PTGES2: variants seen among roughly 807,000 people sequenced by gnomAD.
PTGES2 encodes prostaglandin E synthase 2.
PTGES2 carries 35 observed loss-of-function variants against 44.5 expected under a neutral mutation model. The ratio of observed to expected loss-of-function variants is 0.79; its 90% CI spans 0.60 to 1.04. The LOEUF is 1.04. PTGES2 is among the 50% of genes least tolerant of loss of function. PTGES2 has a pLI of 0.00. For synonymous variants in PTGES2, 221 were observed against 227.5 expected, an observed-to-expected ratio of 0.97 and a Z score of 0.26; for missense variants, 517 against 521.4, an observed-to-expected ratio of 0.99 and a Z score of 0.08.
intron 6 of PTGES2, among the ~76,000 whole-genome samples, chr9:128,121,876 G>A (rs985609681): frequency 6.6e-6 from 1 of 151,898 alleles, no homozygotes; most frequent in Non-Finnish European, 1.5e-5. Flanking sequence ...CTGCACCGCT[G>A]CACTCCCGCC....
intron 1 of PTGES2, among the ~76,000 whole-genome samples, chr9:128,127,191 C>CAAAAAAAAAAAAAAAAACAAAAA (rs1834653512): frequency 4.1e-5 from 1 of 24,494 alleles, no homozygotes; most frequent in East Asian, 1.7e-3. Context: ...ATAAACAAAC[C>CAAAAAAAAAAAAAAAAACAAAAA]AAAAAAAAAA....
intron 5 of PTGES2, 107 bp downstream of exon 5, chr9:128,122,827 T>TAG: frequency 8.2e-7 from 1 of 1,225,604 alleles, no homozygotes; most frequent in Non-Finnish European, 1.2e-6. Context: ...CCACCTGCCC[T>TAG]AGGCCTCGGC....
chr9:128,123,182 G>A lies in PTGES2; in HGVS notation c.687-48C>T, dbSNP rs564510286. ...CTAAGCCAGGACCCGGGCTGTGTTGGGAGCAGGCTGCATTCTCTAGAACAT... is the reference window on the plus strand; with the variant it reads ...CTAAGCCAGGACCCGGGCTGTGTTGAGAGCAGGCTGCATTCTCTAGAACAT... On this transcript the variant is annotated intron_variant, in intron 4 of 6. Coordinates refer to ENST00000338961, the MANE Select transcript of PTGES2 (RefSeq NM_025072.7). This position sits in a 1 kb window ranked among gnomAD's most constrained non-coding sequence, Gnocchi z 4.4. The A allele has an allele frequency of 1.9e-6, 3 of 1,573,744 alleles. No homozygotes were observed. In the South Asian group the frequency reaches 3.3e-5, roughly 18 times the overall value.
chr9:128,127,976 G>A (rs1834706696), upstream of PTGES2: 1 of 437,142 alleles, frequency 2.3e-6, no homozygotes, highest in South Asian at 3.7e-5. Context: ...GTAGTGACCC[G>A]GCCGACTGCA....
chr9:128,123,601 C>A lies in PTGES2; in HGVS notation c.686+101G>T. On this transcript the variant is annotated intron_variant, in intron 4 of 6. Coordinates refer to ENST00000338961, the MANE Select transcript of PTGES2 (RefSeq NM_025072.7). The surrounding 1 kb of genome is among the most constrained non-coding windows in gnomAD (Gnocchi z 4.4). The stretch of plus-strand genomic sequence containing the variant: ...GCCCGGCCCCAGCCCCGCTGGTCTC[C>A]CATGCTGCTCCCTGCTCACGCCATC... 1 of 1,290,728 alleles carries A rather than the reference C, an allele frequency of 7.7e-7. No homozygotes were observed. Among genetic ancestry groups the A allele is most frequent in the Non-Finnish European group, 1.1e-6 (1 of 930,486 alleles). 80.0% of individuals were successfully genotyped at this position (1,290,728 alleles called of 1,614,324 possible).
chr9:128,125,633 C>T (rs1028091091), intron 1 of PTGES2, among the ~76,000 whole-genome samples, 192 bp from the exon 2 acceptor site: 24 of 152,248 alleles, frequency 1.6e-4, no homozygotes, highest in African/African-American at 5.8e-4. Context: ...CTGGCCAGCA[C>T]GGTCCCCAAG....
intron 5 of PTGES2, 69 bp from the exon 6 acceptor site, chr9:128,122,548 T>C: frequency 7.3e-7 from 1 of 1,372,812 alleles, no homozygotes; most frequent in Non-Finnish European, 1.0e-6. Flanking sequence ...GAGGGTCTCC[T>C]CTGGGGAGAG....
chr9:128,123,142 C>T lies in PTGES2; in HGVS notation c.687-8G>A, dbSNP rs1241333566. On this transcript the variant is annotated splice_polypyrimidine_tract_variant and splice_region_variant and intron_variant, in intron 4 of 6. Coordinates refer to ENST00000338961, the MANE Select transcript of PTGES2 (RefSeq NM_025072.7). This position sits in a 1 kb window ranked among gnomAD's most constrained non-coding sequence, Gnocchi z 4.4. The stretch of plus-strand genomic sequence containing the variant: ...CGCCACTTCATCTCCTCCCTGCGGG[C>T]ACGGGAGGGACTTCCTAAGCCAGGA... 1 of 1,606,900 alleles carries T rather than the reference C, an allele frequency of 6.2e-7. No homozygotes were observed. Among genetic ancestry groups the T allele is most frequent in the Non-Finnish European group, 8.5e-7 (1 of 1,179,668 alleles).
At chr9:128,125,550 G>A (rs1447229599) in intron 1 of PTGES2, 109 bp from the exon 2 acceptor site, 14 of 1,016,302 alleles carry the variant, frequency 1.4e-5, no homozygotes, top group Non-Finnish European at 1.5e-5. Context: ...TAGAACATCG[G>A]GAAGAGGAAC....
upstream of PTGES2, chr9:128,127,735 C>CGCGG (rs1274317273): frequency 8.0e-7 from 1 of 1,252,288 alleles, no homozygotes; most frequent in Middle Eastern, 3.1e-4. Flanking sequence ...CCGCCGGCGC[C>CGCGG]GCGGGCGGGC....
At position 128,123,974 on chromosome 9, in the gene PTGES2, G is replaced by C. The variant is rs1025257588; in HGVS notation, c.537-123C>G. 1 of 1,121,658 alleles carries C rather than the reference G, an allele frequency of 8.9e-7. No individual in the cohort carries two copies. Among genetic ancestry groups the C allele is most frequent in the African/African-American group, 1.6e-5 (1 of 64,366 alleles). 69.5% of individuals were successfully genotyped at this position (1,121,658 alleles called of 1,614,324 possible). On this transcript the variant is annotated intron_variant, in intron 3 of 6. Coordinates refer to ENST00000338961, the MANE Select transcript of PTGES2 (RefSeq NM_025072.7). The surrounding 1 kb of genome is among the most constrained non-coding windows in gnomAD (Gnocchi z 4.4). The stretch of plus-strand genomic sequence containing the variant: ...AACAAAGGCTCTCCGGACTCTTGCA[G>C]TAAGAGGGATTTGGAGTAGATGCCA...
rs565920557 is a variant in PTGES2, at chr9:128,125,224, G to A, written c.477+20C>T. ...AACCCAGGAAAGGAGGAAGGATGCA[G>A]GGGGTTCCCTGGGGCTCACCGAGCT... On this transcript the variant is annotated intron_variant, in intron 2 of 6. Transcript: ENST00000338961. 4 of 1,552,384 alleles carry A rather than the reference G, an allele frequency of 2.6e-6. No individual in the cohort carries two copies. Among genetic ancestry groups the A allele is most frequent in the South Asian group, 2.4e-5 (2 of 84,774 alleles).
At chr9:128,126,995 A>G (rs889933345) in intron 1 of PTGES2, among the ~76,000 whole-genome samples, 2 of 151,932 alleles carry the variant, frequency 1.3e-5, no homozygotes, top group East Asian at 3.9e-4. Flanking sequence ...CCTGGGCGAC[A>G]TGGTGAAACC....
At chr9:128,128,068 T>G, upstream of PTGES2, 1 of 367,246 alleles carries the variant, frequency 2.7e-6, no homozygotes, top group Non-Finnish European at 5.1e-6. Context: ...CCCACCTCTC[T>G]TACGGGCGCC....
rs370144450 is a variant in PTGES2 at position 128,127,553 on chromosome 9, G to C, written c.165C>G (p.Ser55Arg). Residue 55 changes from serine to arginine, a missense_variant, in exon 1 of 7, where the codon AGC (serine) becomes AGG (arginine). Coordinates refer to ENST00000338961, the MANE Select transcript of PTGES2 (RefSeq NM_025072.7). ...GCGCCGCAGCTCCCAGCAGCCGCGG[G>C]CTCCCCTTACGAGCTGCAGCCACGG... is the stretch of plus-strand genomic sequence containing the variant. The part of the protein sequence containing the change: ...PSPVAAARKG[S>R]PRLLGAAALA... 4 of 1,287,400 alleles carry C rather than the reference G, an allele frequency of 3.1e-6. No individual in the cohort carries two copies. Among genetic ancestry groups the C allele is most frequent in the Non-Finnish European group, 3.9e-6 (4 of 1,017,750 alleles). The allele number at this position is 1,287,400 out of a possible 1,614,324, so 79.7% of individuals were successfully genotyped here. A position where few individuals can be genotyped will look rare whatever the true frequency, so the allele number is the denominator to read the frequency against.
chr9:128,125,999 G>A (rs907191846), intron 1 of PTGES2, among the ~76,000 whole-genome samples: 3 of 152,148 alleles, frequency 2.0e-5, no homozygotes, highest in Middle Eastern at 3.2e-3. Flanking sequence ...CTTGAACTCC[G>A]GGGTTCATGT....
chr9:128,128,097 C>T (rs971585388), upstream of PTGES2: 16 of 359,966 alleles, frequency 4.4e-5, no homozygotes, highest in Non-Finnish European at 7.5e-5. Flanking sequence ...ACAACTCCAG[C>T]CCTTCCTAGA....
Position 128,123,885 on chromosome 9 carries a change from T to C in PTGES2, c.537-34A>G. 8.7e-6 allele frequency: 14 copies of C among 1,602,270 alleles called. No homozygotes were observed. The highest frequency in any genetic ancestry group is 1.2e-5 in the Non-Finnish European group (14 of 1,170,980). On this transcript the variant is annotated intron_variant, in intron 3 of 6. Coordinates refer to ENST00000338961, the MANE Select transcript of PTGES2 (RefSeq NM_025072.7). The surrounding 1 kb of genome is among the most constrained non-coding windows in gnomAD (Gnocchi z 4.4). Reference sequence around the variant, plus strand: ...AGAGCCACAATATCACCCCAACTCCTTCCCCCTCCGTCCCCTGTGGCCGAC... The same window carrying C: ...AGAGCCACAATATCACCCCAACTCCCTCCCCCTCCGTCCCCTGTGGCCGAC...
rs35821438 is a variant in PTGES2, at chr9:128,123,250, C to CT, written c.687-117dup. 1,144 of 682,402 alleles carry CT rather than the reference C, an allele frequency of 1.7e-3. No homozygotes were observed. The highest frequency in any genetic ancestry group is 3.7e-3 in the African/African-American group (199 of 54,146). The allele number at this position is 682,402 out of a possible 1,614,324, so 42.3% of individuals were successfully genotyped here. On this transcript the variant is annotated intron_variant, in intron 4 of 6. Coordinates refer to ENST00000338961, the MANE Select transcript of PTGES2 (RefSeq NM_025072.7). The surrounding 1 kb of genome is among the most constrained non-coding windows in gnomAD (Gnocchi z 4.4). Reference sequence around the variant, plus strand: ...GAAGCTGAAGCCTGAGCAGGAAGGTCTTTTTTTTTTTTTTGAGACAAAGTC... The same window carrying CT: ...GAAGCTGAAGCCTGAGCAGGAAGGTCTTTTTTTTTTTTTTTGAGACAAAGTC...
Sources: gnomAD v4.1 joint callset for allele counts (sites outside exome capture counted in the v4.1 genomes callset) on GRCh38, gnomAD v4.1.1 for gene constraint, Gnocchi (gnomAD v3.1) non-coding constraint, MANE v1.5 for transcripts, NCBI Gene and HGNC (gene_info 2026-07-23, HGNC 2026-07-21) for gene names.